The following RYR2 variants were observed in gnomAD, a reference collection of about 807,000 sequenced individuals.
RYR2 encodes the protein cardiac muscle ryanodine receptor-calcium release channel.
A neutral mutation model predicts 601.1 loss-of-function variants in RYR2; 227 were observed. The observed-to-expected ratio is 0.38, with a 90% CI of 0.34 to 0.42. The LOEUF (loss-of-function observed/expected upper bound fraction) is 0.42, where lower values mean the gene tolerates loss of function less well. Ranked by LOEUF, RYR2 falls within the 10% of genes least tolerant of loss-of-function variation. The pLI, the probability that RYR2 is intolerant of heterozygous loss-of-function variation, is 1.00. For synonymous variants in RYR2, 2,223 were observed against 2,175.1 expected (o/e 1.02, Z -0.61); for missense variants, 4,646 against 6,156.5 (o/e 0.75, Z 8.21).
At chr1:237,594,467 A>G (rs1675577251) in intron 33 of RYR2, among the ~76,000 whole-genome samples, 1 of 152,166 alleles carries the variant, frequency 6.6e-6, no homozygotes, top group African/African-American at 2.4e-5. Flanking sequence ...AGAGCTCTTT[A>G]CATAAGTTTG....
intron 1 of RYR2, among the ~76,000 whole-genome samples, chr1:237,082,963 G>A (rs755952057): frequency 2.6e-5 from 4 of 152,032 alleles, no homozygotes; most frequent in Non-Finnish European, 4.4e-5. Flanking sequence ...CAATTTCCCC[G>A]ACGATTTACT....
rs1001615648 is a variant in RYR2, at chr1:237,451,842, C to G, written c.1293-2549C>G. 2.5e-4 allele frequency among the ~76,000 whole-genome samples: 38 copies of G among 151,676 alleles called. 1 individual carries two copies. Among genetic ancestry groups the G allele is most frequent in the African/African-American group, 9.2e-4 (38 of 41,270 alleles). On this transcript the variant is annotated intron_variant, in intron 14 of 104. Coordinates refer to ENST00000366574, the MANE Select transcript of RYR2 (RefSeq NM_001035.3). Reference sequence around the variant, plus strand: ...AATTTACTTATTACATATTAAGAGACTAATTTAAAAATTTTTACCTTTTGG... The same window carrying G: ...AATTTACTTATTACATATTAAGAGAGTAATTTAAAAATTTTTACCTTTTGG...
rs41305973 is a variant in RYR2 at position 237,635,042 on chromosome 1, G to C, written c.6792+50G>C. Reference sequence around the variant, plus strand: ...GTTTGTCTGAATTATGCTTTTTCACGGTTTTCTCAATATTTTAAATATAAG... The same window carrying C: ...GTTTGTCTGAATTATGCTTTTTCACCGTTTTCTCAATATTTTAAATATAAG... On this transcript the variant is annotated intron_variant, in intron 44 of 104. Transcript: ENST00000366574. 4 of 1,300,400 alleles carry C rather than the reference G, an allele frequency of 3.1e-6. No homozygotes were observed. In the African/African-American group the frequency reaches 6.0e-5, roughly 19 times the overall value. 80.6% of individuals were successfully genotyped at this position (1,300,400 alleles called of 1,614,324 possible). A position where few individuals can be genotyped will look rare whatever the true frequency, so the allele number is the denominator to read the frequency against.
rs145072094 is a variant in RYR2, at chr1:237,689,165, C to T, written c.9067+1661C>T. Among the ~76,000 whole-genome samples the T allele has an allele frequency of 8.3e-3, 1,267 of 152,222 alleles. 11 individuals carry two copies. The highest frequency in any genetic ancestry group is 0.014 in the Non-Finnish European group (933 of 68,016). On this transcript the variant is annotated intron_variant, in intron 63 of 104. Coordinates refer to ENST00000366574, the MANE Select transcript of RYR2 (RefSeq NM_001035.3). The stretch of plus-strand genomic sequence containing the variant: ...CACCTATAGTCTTAGCTACACAGGA[C>T]GCTGAGATGGATGGATCACTTGAGC...
chr1:237,042,777 G>A (rs1019388004), intron 1 of RYR2, among the ~76,000 whole-genome samples: 1 of 152,170 alleles, frequency 6.6e-6, no homozygotes, highest in South Asian at 2.1e-4. Flanking sequence ...GTCTGTGCGC[G>A]CGTGTGGAAA....
chr1:237,548,718 G>A, intron 26 of RYR2, 128 bp downstream of exon 26: 1 of 1,140,252 alleles, frequency 8.8e-7, no homozygotes, highest in Non-Finnish European at 1.2e-6. Context: ...TGCACATTTG[G>A]ACTAAAACAG....
chr1:237,187,443 C>CTTTTT (rs10686110), intron 1 of RYR2, among the ~76,000 whole-genome samples: 37,478 of 85,886 alleles, frequency 0.44, 11,953 homozygotes, highest in Non-Finnish European at 0.52. Flanking sequence ...GCCCGGCCGA[C>CTTTTT]TTTTTTTTTT....
intron 72 of RYR2, among the ~76,000 whole-genome samples, chr1:237,718,165 C>T (rs1217557197): frequency 6.6e-6 from 1 of 152,142 alleles, no homozygotes; most frequent in Admixed American, 6.5e-5. Context: ...TGGAGATATA[C>T]TTCTATTTCA....
chr1:237,204,979 C>T lies in RYR2; in HGVS notation c.49-65518C>T, dbSNP rs6677166. Among the ~76,000 whole-genome samples, 597 of 152,266 alleles carry T rather than the reference C, an allele frequency of 3.9e-3. 3 individuals carry two copies. Among genetic ancestry groups the T allele is most frequent in the African/African-American group, 0.014 (565 of 41,566 alleles). Reference sequence around the variant, plus strand: ...TCAGGGTAATGAGCCTCAGCAGGGACGGGCCTCCCCACTGCCCTGAGAGGA... The same window carrying T: ...TCAGGGTAATGAGCCTCAGCAGGGATGGGCCTCCCCACTGCCCTGAGAGGA... On this transcript the variant is annotated intron_variant, in intron 1 of 104. Coordinates refer to ENST00000366574, the MANE Select transcript of RYR2 (RefSeq NM_001035.3).
At chr1:237,568,978 A>G (rs1230569133) in intron 28 of RYR2, among the ~76,000 whole-genome samples, 167 bp from the exon 29 acceptor site, 1 of 152,122 alleles carries the variant, frequency 6.6e-6, no homozygotes, top group Non-Finnish European at 1.5e-5. Flanking sequence ...GAATTCCCAG[A>G]CAGCTCCATT....
intron 1 of RYR2, among the ~76,000 whole-genome samples, chr1:237,249,347 T>G (rs1558496697): frequency 6.6e-6 from 1 of 152,208 alleles, no homozygotes; most frequent in Non-Finnish European, 1.5e-5. Flanking sequence ...TGATCAGATC[T>G]CACCAAAATT....
intron 91 of RYR2, 107 bp from the exon 92 acceptor site, chr1:237,787,881 A>C (rs1657847620): frequency 1.9e-6 from 2 of 1,067,644 alleles, no homozygotes; most frequent in Admixed American, 2.7e-5. Context: ...AGTTTTCAAA[A>C]GTAATATGAT....
chr1:237,270,363 T>G (rs771082573), intron 1 of RYR2, 134 bp from the exon 2 acceptor site: 1 of 1,311,312 alleles, frequency 7.6e-7, no homozygotes, highest in African/African-American at 1.5e-5. Flanking sequence ...TTTTGGTTGT[T>G]TTTTTGACAG....
chr1:237,475,199 G>A (rs535846408), intron 17 of RYR2, among the ~76,000 whole-genome samples: 124 of 152,244 alleles, frequency 8.1e-4, no homozygotes, highest in African/African-American at 2.7e-3. Flanking sequence ...ACCAGCTCCC[G>A]GAGCCAGGCA....
chr1:237,666,621 C>A, intron 57 of RYR2, 32 bp downstream of exon 57: 1 of 1,535,744 alleles, frequency 6.5e-7, no homozygotes, highest in South Asian at 1.2e-5. Context: ...AAATAGTCTC[C>A]AAATTTAATT....
intron 1 of RYR2, 46 bp from the exon 2 acceptor site, chr1:237,270,451 A>G: frequency 6.4e-7 from 1 of 1,552,694 alleles, no homozygotes; most frequent in Non-Finnish European, 8.7e-7. Context: ...CTGTGCAGTC[A>G]TGTCACGTCT....
intron 17 of RYR2, among the ~76,000 whole-genome samples, chr1:237,488,898 G>A (rs749545874): frequency 2.0e-4 from 30 of 152,150 alleles, no homozygotes; most frequent in Admixed American, 3.9e-4. Flanking sequence ...GGACGCGCGT[G>A]ACAACCATTG....
At chr1:237,402,726 A>T (rs942664121) in intron 10 of RYR2, among the ~76,000 whole-genome samples, 27 of 142,284 alleles carry the variant, frequency 1.9e-4, no homozygotes, top group African/African-American at 6.2e-4. Flanking sequence ...ACCAGCCTGG[A>T]CAACATAGTG....
At position 237,087,998 on chromosome 1, in the gene RYR2, A is replaced by G. The variant is rs1666539129; in HGVS notation, c.48+45429A>G. On this transcript the variant is annotated intron_variant, in intron 1 of 104. Coordinates refer to ENST00000366574, the MANE Select transcript of RYR2 (RefSeq NM_001035.3). The stretch of plus-strand genomic sequence containing the variant: ...TGGCATTTGCTGGCACCAGCTGAGA[A>G]CTATGTCCTGTACCTTTGAATTTAG... 2.0e-5 allele frequency among the ~76,000 whole-genome samples: 3 copies of G among 152,250 alleles called. No individual in the cohort carries two copies. In the South Asian group the frequency reaches 6.2e-4, roughly 32 times the overall value.
Sources: allele counts gnomAD v4.1 joint callset (sites outside exome capture counted in the v4.1 genomes callset), GRCh38; gene constraint gnomAD v4.1.1; transcripts MANE v1.5; gene names NCBI Gene and HGNC (gene_info 2026-07-23, HGNC 2026-07-21).